The following SSBP2 variants were observed in gnomAD, a reference collection of about 807,000 sequenced individuals.
The protein encoded by SSBP2 is single stranded DNA binding protein 2.
Under a neutral mutation model 61.8 loss-of-function variants are expected in SSBP2, and 17 were observed. That is an observed-to-expected ratio of 0.28 (90% CI 0.19 to 0.41). The LOEUF (loss-of-function observed/expected upper bound fraction) is 0.41. SSBP2 is among the 10% of genes least tolerant of loss of function. SSBP2 has a pLI of 1.00. For missense variants in SSBP2, 310 were observed against 458.7 expected, an observed-to-expected ratio of 0.68 and a Z score of 2.96; for synonymous variants, 139 against 141.3, an observed-to-expected ratio of 0.98 and a Z score of 0.12.
chr5:81,542,416 C>A (rs536233057), intron 4 of SSBP2, among the ~76,000 whole-genome samples: 1 of 152,076 alleles, frequency 6.6e-6, no homozygotes, highest in Admixed American at 6.5e-5. Context: ...GGCATAAAAC[C>A]AAAAGTCAAT....
intron 4 of SSBP2, among the ~76,000 whole-genome samples, chr5:81,559,450 G>A (rs1051241626): frequency 2.6e-5 from 4 of 151,672 alleles, no homozygotes; most frequent in African/African-American, 9.7e-5. Context: ...AGCTATTTGG[G>A]AGGCTGAGGC....
At chr5:81,682,316 T>G (rs1265027845) in intron 1 of SSBP2, among the ~76,000 whole-genome samples, 1 of 152,024 alleles carries the variant, frequency 6.6e-6, no homozygotes, top group Non-Finnish European at 1.5e-5. Flanking sequence ...CAACAATGTA[T>G]AGGAGGAATT....
intron 1 of SSBP2, among the ~76,000 whole-genome samples, chr5:81,679,267 C>T (rs938985092): frequency 1.3e-4 from 20 of 152,216 alleles, no homozygotes; most frequent in African/African-American, 4.8e-4. Flanking sequence ...CCTTGGCCTC[C>T]CAAAGTGCTG....
At chr5:81,563,723 T>C (rs926522031) in intron 4 of SSBP2, among the ~76,000 whole-genome samples, 2 of 152,140 alleles carry the variant, frequency 1.3e-5, no homozygotes, top group Non-Finnish European at 2.9e-5. Flanking sequence ...CCTTATCTTA[T>C]ACCATACACA....
intron 1 of SSBP2, chr5:81,750,698 AC>A: frequency 4.4e-6 from 2 of 458,606 alleles, no homozygotes; most frequent in Non-Finnish European, 7.7e-6. Context: ...TCCCTCAATC[AC>A]CCAAACAAGT....
intron 1 of SSBP2, among the ~76,000 whole-genome samples, chr5:81,743,558 A>G (rs10213685): frequency 0.045 from 6,844 of 152,284 alleles, 198 homozygotes; most frequent in East Asian, 0.12. Flanking sequence ...TATTCTCCCT[A>G]TATCCTCAAG....
chr5:81,474,430 T>C, intron 7 of SSBP2, 66 bp downstream of exon 7: 1 of 1,411,922 alleles, frequency 7.1e-7, no homozygotes. Flanking sequence ...ACAATTTTCC[T>C]TAAGAGATAA....
intron 1 of SSBP2, among the ~76,000 whole-genome samples, chr5:81,721,171 A>G (rs1755518580): frequency 6.6e-6 from 1 of 152,080 alleles, no homozygotes; most frequent in African/African-American, 2.4e-5. Flanking sequence ...ATATAAACCT[A>G]CTACTGCTTG....
At chr5:81,588,697 A>G (rs1775262460) in intron 4 of SSBP2, among the ~76,000 whole-genome samples, 1 of 152,188 alleles carries the variant, frequency 6.6e-6, no homozygotes, top group Admixed American at 6.5e-5. Flanking sequence ...TTCTCATGAA[A>G]CAGCTATAGA....
chr5:81,420,630 A>T, intron 16 of SSBP2, 97 bp from the exon 17 acceptor site: 1 of 995,704 alleles, frequency 1.0e-6, no homozygotes, highest in Non-Finnish European at 1.6e-6. Flanking sequence ...CTAATTTCTT[A>T]TCATCTTTTA....
At chr5:81,593,354 T>C (rs1240779603) in intron 4 of SSBP2, among the ~76,000 whole-genome samples, 1 of 152,126 alleles carries the variant, frequency 6.6e-6, no homozygotes, top group East Asian at 1.9e-4. Context: ...AAAGACCAAA[T>C]CTACGTCTGA....
chr5:81,555,661 C>T (rs1772535264), intron 4 of SSBP2, among the ~76,000 whole-genome samples: 1 of 151,968 alleles, frequency 6.6e-6, no homozygotes, highest in African/African-American at 2.4e-5. Flanking sequence ...GTACAAAAAT[C>T]AGAAAACACA....
intron 4 of SSBP2, among the ~76,000 whole-genome samples, chr5:81,582,138 T>G (rs1774701353): frequency 6.6e-6 from 1 of 152,164 alleles, no homozygotes; most frequent in Non-Finnish European, 1.5e-5. Context: ...AAAAGCCATC[T>G]TTACAAAATA....
At chr5:81,446,949 A>G (rs1484892809) in intron 11 of SSBP2, 27 bp from the exon 12 acceptor site, 6 of 1,555,984 alleles carry the variant, frequency 3.9e-6, no homozygotes, top group Middle Eastern at 1.7e-4. Context: ...AATTTCAGTA[A>G]AAATAAGGCA....
chr5:81,709,125 G>A (rs1362776806), intron 1 of SSBP2, among the ~76,000 whole-genome samples: 1 of 151,966 alleles, frequency 6.6e-6, no homozygotes, highest in Non-Finnish European at 1.5e-5. Context: ...GAGCTTGAAA[G>A]CTGTATTTGC....
intron 3 of SSBP2, among the ~76,000 whole-genome samples, chr5:81,625,400 C>T (rs1367519728): frequency 6.6e-6 from 1 of 152,036 alleles, no homozygotes; most frequent in African/African-American, 2.4e-5. Context: ...CTTCTCAGTT[C>T]CTCTAATCCT....
intron 1 of SSBP2, among the ~76,000 whole-genome samples, chr5:81,707,895 A>G (rs1378295565): frequency 6.6e-6 from 1 of 152,174 alleles, no homozygotes; most frequent in Non-Finnish European, 1.5e-5. Context: ...AGGAGATGTT[A>G]TCACCAAAGA....
chr5:81,487,789 T>G (rs1766490336), intron 6 of SSBP2, among the ~76,000 whole-genome samples: 1 of 151,076 alleles, frequency 6.6e-6, no homozygotes, highest in South Asian at 2.1e-4. Flanking sequence ...AACCAAAAAT[T>G]TATGCCCTTT....
chr5:81,436,185 C>CA (rs34499225), intron 15 of SSBP2, among the ~76,000 whole-genome samples: 1,253 of 54,448 alleles, frequency 0.023, 26 homozygotes, highest in East Asian at 0.035. Flanking sequence ...AAGACTCCAT[C>CA]AAAAAAAAAA....
Sources: gnomAD v4.1 joint callset for allele counts (sites outside exome capture counted in the v4.1 genomes callset) on GRCh38, gnomAD v4.1.1 for gene constraint, MANE v1.5 for transcripts, NCBI Gene and HGNC (gene_info 2026-07-23, HGNC 2026-07-21) for gene names.